The following ASTN2 variants were observed in gnomAD, a reference collection of about 807,000 sequenced individuals.
ASTN2 encodes astrotactin-2.
In ASTN2, 54 loss-of-function variants were observed where a neutral mutation model predicts 139.8. That is an observed-to-expected ratio of 0.39 (90% confidence interval 0.31 to 0.48). The LOEUF (loss-of-function observed/expected upper bound fraction) is 0.48. Among genes scored for constraint, ASTN2 ranks in the 20% least tolerant of loss-of-function variants. ASTN2 has a pLI of 0.95. For synonymous variants in ASTN2, 756 were observed against 719.5 expected (o/e 1.05, Z -0.81); for missense variants, 1,565 against 1,725.1 (o/e 0.91, Z 1.64).
chr9:116,682,450 T>C (rs1392620449), intron 16 of ASTN2, among the ~76,000 whole-genome samples: 2 of 152,192 alleles, frequency 1.3e-5, no homozygotes, highest in East Asian at 1.9e-4. Context: ...GGTTCAAACA[T>C]TGTGGAAGTC....
intron 3 of ASTN2, among the ~76,000 whole-genome samples, chr9:117,162,060 G>A (rs117158910): frequency 0.019 from 2,883 of 152,098 alleles, 48 homozygotes; most frequent in Non-Finnish European, 0.026. Context: ...AGACCTTGAA[G>A]TGACACATAT....
chr9:116,776,062 T>C (rs1244139576), intron 13 of ASTN2, among the ~76,000 whole-genome samples: 2 of 152,096 alleles, frequency 1.3e-5, no homozygotes, highest in Admixed American at 6.5e-5. Context: ...CAGTCCATGG[T>C]CTAAATGGAC....
intron 3 of ASTN2, among the ~76,000 whole-genome samples, chr9:117,182,094 G>A (rs940056641): frequency 3.3e-5 from 5 of 152,128 alleles, no homozygotes; most frequent in East Asian, 1.9e-4. Flanking sequence ...TTAATGGGGT[G>A]CCAGCAGCCA....
intron 10 of ASTN2, among the ~76,000 whole-genome samples, chr9:116,906,827 A>G: frequency 6.6e-6 from 1 of 152,152 alleles, no homozygotes; most frequent in East Asian, 1.9e-4. Context: ...AAATACCGCA[A>G]TTACTTTTGT....
At chr9:116,451,880 T>C (rs1006879219) in intron 20 of ASTN2, among the ~76,000 whole-genome samples, 1 of 144,792 alleles carries the variant, frequency 6.9e-6, no homozygotes, top group African/African-American at 2.4e-5. Context: ...CTGACCCCTC[T>C]TGAAAAAAAA....
intron 10 of ASTN2, among the ~76,000 whole-genome samples, chr9:116,948,786 T>TG: frequency 2.2e-4 from 2 of 9,084 alleles, no homozygotes; most frequent in Non-Finnish European, 7.2e-4. Flanking sequence ...TAATTTGGTG[T>TG]TTTTTTTTTT....
chr9:116,468,731 C>T (rs143332691), intron 20 of ASTN2, among the ~76,000 whole-genome samples: 253 of 152,278 alleles, frequency 1.7e-3, no homozygotes, highest in African/African-American at 5.9e-3. Context: ...CCCTTAATAG[C>T]TCTCTTTACT....
At chr9:117,301,719 C>T (rs1326456650) in intron 1 of ASTN2, among the ~76,000 whole-genome samples, 1 of 152,180 alleles carries the variant, frequency 6.6e-6, no homozygotes, top group Admixed American at 6.5e-5. Flanking sequence ...TCCATTTCAT[C>T]ATAGTAAAGT....
intron 19 of ASTN2, among the ~76,000 whole-genome samples, chr9:116,508,263 G>C (rs939326000): frequency 5.3e-5 from 8 of 152,216 alleles, no homozygotes; most frequent in African/African-American, 1.9e-4. Context: ...TCAGAAAGCT[G>C]TCTTGAGGAT....
chr9:117,255,773 G>A (rs1002111726), intron 2 of ASTN2, among the ~76,000 whole-genome samples: 16 of 152,158 alleles, frequency 1.1e-4, no homozygotes, highest in African/African-American at 3.4e-4. Context: ...AAGCGATGCA[G>A]AACACAGGGA....
intron 19 of ASTN2, among the ~76,000 whole-genome samples, chr9:116,509,813 A>G (rs1477650133): frequency 6.6e-6 from 1 of 152,196 alleles, no homozygotes; most frequent in Admixed American, 6.5e-5. Context: ...TCTTCTTTCA[A>G]GAAGTGTCTG....
At chr9:116,943,246 A>G (rs1588430051) in intron 10 of ASTN2, among the ~76,000 whole-genome samples, 1 of 152,094 alleles carries the variant, frequency 6.6e-6, no homozygotes, top group East Asian at 1.9e-4. Context: ...GAGTGAAGAA[A>G]CCAGCACTCC....
chr9:116,907,222 A>G (rs1191873498), intron 10 of ASTN2, among the ~76,000 whole-genome samples: 1 of 152,208 alleles, frequency 6.6e-6, no homozygotes, highest in East Asian at 1.9e-4. Flanking sequence ...TAGGTTGTAG[A>G]GTCAGTAATG....
At chr9:117,051,800 C>T (rs976356311) in intron 5 of ASTN2, among the ~76,000 whole-genome samples, 4 of 152,170 alleles carry the variant, frequency 2.6e-5, no homozygotes, top group Admixed American at 1.3e-4. Context: ...GCCACGTTCA[C>T]AGTCAGATTG....
intron 4 of ASTN2, among the ~76,000 whole-genome samples, chr9:117,101,593 G>C (rs1168161881): frequency 1.3e-5 from 2 of 152,152 alleles, no homozygotes; most frequent in South Asian, 2.1e-4. Context: ...TACTGCCCCA[G>C]GTACCTTACA....
At chr9:116,669,010 G>A (rs569285105) in intron 16 of ASTN2, among the ~76,000 whole-genome samples, 10 of 152,262 alleles carry the variant, frequency 6.6e-5, no homozygotes, top group South Asian at 6.2e-4. Context: ...CATTGAGGTA[G>A]GAGGTGAGAC....
chr9:117,180,981 G>T (rs1319495703), intron 3 of ASTN2: 1 of 1,597,148 alleles, frequency 6.3e-7, no homozygotes, highest in African/African-American at 1.3e-5. Context: ...CAGTGCCCTG[G>T]GGCTTTCCAA....
chr9:117,147,506 G>A (rs919107955), intron 3 of ASTN2, among the ~76,000 whole-genome samples: 2 of 151,192 alleles, frequency 1.3e-5, no homozygotes, highest in African/African-American at 4.9e-5. Context: ...AACCACCCAG[G>A]ACGTTCCACC....
intron 19 of ASTN2, among the ~76,000 whole-genome samples, chr9:116,497,062 C>A (rs1249452496): frequency 1.3e-5 from 2 of 152,168 alleles, no homozygotes; most frequent in African/African-American, 4.8e-5. Flanking sequence ...GTTGTACTTG[C>A]ACACTGGCCT....
Sources: gnomAD v4.1 joint callset for allele counts (sites outside exome capture counted in the v4.1 genomes callset) on GRCh38, gnomAD v4.1.1 for gene constraint, MANE v1.5 for transcripts, NCBI Gene and HGNC (gene_info 2026-07-23, HGNC 2026-07-21) for gene names.